Variants in TANC2 observed in about 807,000 individuals in gnomAD.
TANC2 encodes the protein protein TANC2.
Under a neutral mutation model 210.5 loss-of-function variants are expected in TANC2, and 26 were observed. That is an observed-to-expected ratio of 0.12 (90% CI 0.09 to 0.17). The LOEUF is 0.17. Among genes scored for constraint, TANC2 ranks in the 10% least tolerant of loss-of-function variants. The pLI is 1.00. For synonymous variants in TANC2, 931 were observed against 967.1 expected, an observed-to-expected ratio of 0.96 and a Z score of 0.69; for missense variants, 2,129 against 2,608.9, an observed-to-expected ratio of 0.82 and a Z score of 4.01.
In TANC2 at chr17:63,340,349, A is replaced by G; in HGVS notation, c.1807+17A>G. 6.9e-6 allele frequency: 11 copies of G among 1,604,578 alleles called. No individual in the cohort carries two copies. Among genetic ancestry groups the G allele is most frequent in the Non-Finnish European group, 9.4e-6 (11 of 1,172,840 alleles). Reference sequence around the variant, plus strand: ...TCCATAAAGGTACAGATAAGGCCCAAAGGAGGGGAAAGATGGAGGTTTAGA... The same window carrying G: ...TCCATAAAGGTACAGATAAGGCCCAGAGGAGGGGAAAGATGGAGGTTTAGA... On this transcript the variant is annotated intron_variant, in intron 12 of 27. Transcript: ENST00000689528.
At chr17:63,361,136 T>C (rs2046945661) in intron 14 of TANC2, among the ~76,000 whole-genome samples, 1 of 152,244 alleles carries the variant, frequency 6.6e-6, no homozygotes, top group Non-Finnish European at 1.5e-5. Flanking sequence ...AATATACTGA[T>C]TTCCTTTCTT....
intron 7 of TANC2, among the ~76,000 whole-genome samples, chr17:63,209,209 T>C (rs2041811720): frequency 6.6e-6 from 1 of 151,854 alleles, no homozygotes; most frequent in African/African-American, 2.4e-5. Flanking sequence ...GACAGGATTT[T>C]AACATATTGC....
intron 9 of TANC2, among the ~76,000 whole-genome samples, chr17:63,301,539 C>T (rs956634775): frequency 6.6e-6 from 1 of 152,132 alleles, no homozygotes; most frequent in Non-Finnish European, 1.5e-5. Context: ...TTATCCATTT[C>T]TTCTAGATTT....
intron 2 of TANC2, among the ~76,000 whole-genome samples, chr17:63,061,569 A>G (rs1014110466): frequency 3.3e-5 from 5 of 152,152 alleles, no homozygotes; most frequent in Non-Finnish European, 7.4e-5. Flanking sequence ...TTCCATGTAT[A>G]TATGTCTATG....
intron 2 of TANC2, among the ~76,000 whole-genome samples, chr17:63,054,168 T>G (rs533555177): frequency 6.6e-6 from 1 of 152,328 alleles, no homozygotes; most frequent in South Asian, 2.1e-4. Context: ...GAATTATTAT[T>G]AGTACTAAAT....
intron 1 of TANC2, among the ~76,000 whole-genome samples, chr17:62,999,733 C>T (rs1014270842): frequency 2.0e-5 from 3 of 152,028 alleles, no homozygotes; most frequent in Non-Finnish European, 4.4e-5. Flanking sequence ...GATTGGACAT[C>T]CCTGGTATAT....
chr17:63,127,686 T>C (rs1598438733), intron 4 of TANC2, among the ~76,000 whole-genome samples: 1 of 152,266 alleles, frequency 6.6e-6, no homozygotes, highest in African/African-American at 2.4e-5. Context: ...TACTCTGCTT[T>C]ATTTCCAAAT....
chr17:63,415,768 C>A, intron 26 of TANC2, 94 bp downstream of exon 26: 1 of 1,475,858 alleles, frequency 6.8e-7, no homozygotes, highest in Non-Finnish European at 9.1e-7. Context: ...AAATCCTCCT[C>A]TGCCCCATTT....
intron 6 of TANC2, among the ~76,000 whole-genome samples, chr17:63,194,637 C>G (rs1388380471): frequency 6.6e-6 from 1 of 152,060 alleles, no homozygotes; most frequent in African/African-American, 2.4e-5. Context: ...ACTAATATTT[C>G]TTTTTAAGCA....
intron 3 of TANC2, chr17:63,088,791 C>G (rs781182019): frequency 6.6e-6 from 1 of 152,108 alleles, no homozygotes; most frequent in Non-Finnish European, 1.5e-5. Context: ...AAATACTGTC[C>G]TGCTCTAAAA....
At chr17:63,086,075 T>C (rs527677208) in intron 3 of TANC2, among the ~76,000 whole-genome samples, 5 of 152,174 alleles carry the variant, frequency 3.3e-5, no homozygotes, top group African/African-American at 1.2e-4. Context: ...TCTTGTATTG[T>C]TTCTGAGGAG....
chr17:63,232,967 C>T (rs2042519857), intron 7 of TANC2, among the ~76,000 whole-genome samples: 1 of 152,212 alleles, frequency 6.6e-6, no homozygotes, highest in South Asian at 2.1e-4. Flanking sequence ...CTGAAATTCC[C>T]ACAGGGGAGC....
intron 2 of TANC2, among the ~76,000 whole-genome samples, chr17:63,068,521 C>T (rs554330406): frequency 6.6e-6 from 1 of 152,170 alleles, no homozygotes; most frequent in South Asian, 2.1e-4. Flanking sequence ...TGCAGACTTC[C>T]TTTTGAAGTA....
chr17:63,010,093 G>A (rs1014030356), intron 2 of TANC2, among the ~76,000 whole-genome samples: 3 of 151,994 alleles, frequency 2.0e-5, no homozygotes, highest in African/African-American at 7.2e-5. Flanking sequence ...TTAAGTCTTA[G>A]GCTTTTGAGG....
Position 63,412,807 on chromosome 17 carries a change from T to G in TANC2, c.3928+98T>G. 7.3e-7 allele frequency: 1 copy of G among 1,367,772 alleles called. No homozygotes were observed. The allele number at this position is 1,367,772 out of a possible 1,614,324, so 84.7% of individuals were successfully genotyped here. On this transcript the variant is annotated intron_variant, in intron 24 of 27. Transcript: ENST00000689528. The surrounding 1 kb of genome is among the most constrained non-coding windows in gnomAD (Gnocchi z 4.2). ...AGCCTGCATGAGTTCCCTACACCTC[T>G]AATCTTTTAATTTACTTCACCTTAA...
Position 63,379,698 on chromosome 17 carries a change from G to T in TANC2, c.2583-20G>T. The T allele has an allele frequency of 6.5e-7, 1 of 1,547,068 alleles. No homozygotes were observed. The highest frequency in any genetic ancestry group is 1.2e-5 in the South Asian group (1 of 83,776). Reference sequence around the variant, plus strand: ...AATAAATAAATTAATTAATTAAAATGAATTTCTCTTTTTTTGCAGGAGTGG... The same window carrying T: ...AATAAATAAATTAATTAATTAAAATTAATTTCTCTTTTTTTGCAGGAGTGG... On this transcript the variant is annotated intron_variant, in intron 14 of 27. Coordinates refer to ENST00000689528, the Ensembl canonical transcript of TANC2.
chr17:63,390,542 G>C (rs1292958845), intron 17 of TANC2: 3 of 152,244 alleles, frequency 2.0e-5, no homozygotes, highest in African/African-American at 7.2e-5. Context: ...GCCTAGGCCA[G>C]AGTGCAGTGG....
At chr17:63,061,661 G>A (rs968329630) in intron 2 of TANC2, among the ~76,000 whole-genome samples, 2 of 150,310 alleles carry the variant, frequency 1.3e-5, no homozygotes, top group African/African-American at 2.4e-5. Flanking sequence ...TACATGCAGG[G>A]TTTTTTTTTC....
intron 4 of TANC2, among the ~76,000 whole-genome samples, chr17:63,147,982 A>G (rs1023898033): frequency 2.0e-4 from 31 of 152,210 alleles, no homozygotes; most frequent in Non-Finnish European, 7.3e-5. Context: ...TTTTTAGAAC[A>G]TTTATTCTGG....
Sources: allele counts gnomAD v4.1 joint callset (sites outside exome capture counted in the v4.1 genomes callset), GRCh38; gene constraint gnomAD v4.1.1; non-coding constraint Gnocchi (gnomAD v3.1); transcripts MANE v1.5; gene names NCBI Gene and HGNC (gene_info 2026-07-23, HGNC 2026-07-21).